ROR1: variants seen among roughly 807,000 people sequenced by gnomAD.
ROR1 encodes the protein inactive tyrosine-protein kinase transmembrane receptor ROR1.
Under a neutral mutation model 78.8 loss-of-function variants are expected in ROR1, and 19 were observed. The ratio of observed to expected loss-of-function variants is 0.24; its 90% CI spans 0.17 to 0.35. ROR1 has a LOEUF of 0.35. Among genes scored for constraint, ROR1 ranks in the 10% least tolerant of loss-of-function variants. The pLI is 1.00. For synonymous variants in ROR1, 386 were observed against 433.6 expected, an observed-to-expected ratio of 0.89 and a Z score of 1.36; for missense variants, 917 against 1,177.8, an observed-to-expected ratio of 0.78 and a Z score of 3.24.
intron 3 of ROR1, 35 bp downstream of exon 3, chr1:64,050,013 C>A: frequency 6.2e-7 from 1 of 1,608,834 alleles, no homozygotes; most frequent in South Asian, 1.1e-5. Context: ...GACTTTGGCC[C>A]TCAGCCCAAT....
At chr1:64,040,965 T>C (rs1646741465) in intron 2 of ROR1, among the ~76,000 whole-genome samples, 1 of 152,146 alleles carries the variant, frequency 6.6e-6, no homozygotes, top group Non-Finnish European at 1.5e-5. Context: ...CTGGTAAAAA[T>C]CATAGCACCT....
chr1:63,976,557 T>C (rs1646162719), intron 1 of ROR1, among the ~76,000 whole-genome samples: 2 of 152,218 alleles, frequency 1.3e-5, no homozygotes, highest in Non-Finnish European at 2.9e-5. Context: ...TACACTGTTA[T>C]GTACTATAAA....
chr1:64,014,798 T>A lies in ROR1; in HGVS notation c.163+5422T>A, dbSNP rs188830411. On this transcript the variant is annotated intron_variant, in intron 2 of 8. Coordinates refer to ENST00000371079, the MANE Select transcript of ROR1 (RefSeq NM_005012.4). ...TACACATTTTGTCCTGGTTTGCCTT[T>A]TCAAATGGCTTTCTTTACCAGGTTG... Among the ~76,000 whole-genome samples the A allele has an allele frequency of 2.7e-5, 3 of 111,378 alleles. 1 individual carries two copies. The highest frequency in any genetic ancestry group is 3.6e-5 in the Non-Finnish European group (2 of 55,572). The allele number at this position is 111,378 out of a possible 152,430, so 73.1% of individuals were successfully genotyped here.
intron 1 of ROR1, among the ~76,000 whole-genome samples, chr1:63,800,156 A>G (rs1644786809): frequency 6.6e-6 from 1 of 152,134 alleles, no homozygotes; most frequent in African/African-American, 2.4e-5. Context: ...TCCCAGGGTT[A>G]CCCTGGGTCC....
intron 4 of ROR1, chr1:64,106,589 G>A (rs1647821371): frequency 1.3e-5 from 2 of 152,166 alleles, no homozygotes; most frequent in African/African-American, 4.8e-5. Context: ...GATATTGGCT[G>A]TGGGTTTGTC....
intron 1 of ROR1, among the ~76,000 whole-genome samples, chr1:63,837,199 C>T (rs1162351150): frequency 1.3e-5 from 2 of 152,186 alleles, no homozygotes; most frequent in African/African-American, 2.4e-5. Flanking sequence ...TTTATTACTA[C>T]GTATGAATTT....
chr1:63,957,586 C>T lies in ROR1; in HGVS notation c.92-51719C>T, dbSNP rs992667870. Among the ~76,000 whole-genome samples the T allele has an allele frequency of 1.8e-4, 27 of 152,290 alleles. 1 individual carries two copies. Among genetic ancestry groups the T allele is most frequent in the Admixed American group, 1.0e-3 (16 of 15,290 alleles). ...TGGCTGCTGGGAAGGGAATGGAAAG[C>T]ACATGGGTTGCATATCTTCAAAACA... On this transcript the variant is annotated intron_variant, in intron 1 of 8. Coordinates refer to ENST00000371079, the MANE Select transcript of ROR1 (RefSeq NM_005012.4).
chr1:64,079,706 T>A (rs1647084445), intron 4 of ROR1, among the ~76,000 whole-genome samples: 1 of 152,162 alleles, frequency 6.6e-6, no homozygotes, highest in African/African-American at 2.4e-5. Context: ...GGTCTTGAAC[T>A]CCTGACCTCA....
chr1:64,040,057 G>C (rs1646733930), intron 2 of ROR1, among the ~76,000 whole-genome samples: 1 of 152,166 alleles, frequency 6.6e-6, no homozygotes, highest in South Asian at 2.1e-4. Context: ...GGTTTTACAG[G>C]GATGGGAAAA....
At chr1:63,959,166 G>T (rs1302967125) in intron 1 of ROR1, among the ~76,000 whole-genome samples, 2 of 152,148 alleles carry the variant, frequency 1.3e-5, no homozygotes, top group Non-Finnish European at 2.9e-5. Context: ...AGGAGAAGAA[G>T]AATGAACAAA....
chr1:63,889,427 A>G (rs961601371), intron 1 of ROR1, among the ~76,000 whole-genome samples: 1 of 152,114 alleles, frequency 6.6e-6, no homozygotes, highest in African/African-American at 2.4e-5. Flanking sequence ...AAAGTCATCT[A>G]CCCAGGAAGT....
At chr1:63,843,685 A>G (rs1157957534) in intron 1 of ROR1, 1 of 538,260 alleles carries the variant, frequency 1.9e-6, no homozygotes, top group East Asian at 4.8e-5. Flanking sequence ...ACCAGAGGCC[A>G]TGTTTCCAGA....
chr1:64,107,295 C>A (rs1291749962), intron 4 of ROR1, among the ~76,000 whole-genome samples: 1 of 152,160 alleles, frequency 6.6e-6, no homozygotes, highest in Non-Finnish European at 1.5e-5. Context: ...AGTAGCAGAG[C>A]CAGCATTTGA....
At chr1:63,915,556 A>G (rs530834158) in intron 1 of ROR1, among the ~76,000 whole-genome samples, 29 of 152,144 alleles carry the variant, frequency 1.9e-4, no homozygotes, top group Non-Finnish European at 3.4e-4. Context: ...GACTAAGGCT[A>G]TCTTAATCAT....
At chr1:64,140,482 A>G (rs1649274812) in intron 6 of ROR1, 56 bp downstream of exon 6, 1 of 1,519,878 alleles carries the variant, frequency 6.6e-7, no homozygotes, top group Non-Finnish European at 9.0e-7. Flanking sequence ...ACCTGTTGGC[A>G]CAGGGAAAAC....
At chr1:64,098,345 G>T (rs914988671) in intron 4 of ROR1, among the ~76,000 whole-genome samples, 3 of 152,202 alleles carry the variant, frequency 2.0e-5, no homozygotes, top group Non-Finnish European at 4.4e-5. Flanking sequence ...TGCAGTTCAG[G>T]TACCACAAGG....
chr1:64,052,279 G>A (rs1646839582), intron 4 of ROR1, among the ~76,000 whole-genome samples: 1 of 144,058 alleles, frequency 6.9e-6, no homozygotes, highest in Admixed American at 7.1e-5. Flanking sequence ...TTTGTTACTT[G>A]TAAAAATGTC....
chr1:63,926,073 A>G (rs1321937963), intron 1 of ROR1, among the ~76,000 whole-genome samples: 2 of 152,064 alleles, frequency 1.3e-5, no homozygotes, highest in Non-Finnish European at 2.9e-5. Flanking sequence ...GGTGTTTTAG[A>G]CATGAAGTCC....
At chr1:64,028,116 T>G (rs1646629002) in intron 2 of ROR1, among the ~76,000 whole-genome samples, 1 of 152,210 alleles carries the variant, frequency 6.6e-6, no homozygotes, top group Non-Finnish European at 1.5e-5. Context: ...TACAAATGCA[T>G]GTAGTTTAGA....
Sources: allele counts gnomAD v4.1 joint callset (sites outside exome capture counted in the v4.1 genomes callset), GRCh38; gene constraint gnomAD v4.1.1; transcripts MANE v1.5; gene names NCBI Gene and HGNC (gene_info 2026-07-23, HGNC 2026-07-21).